Variants in ZDHHC14 observed in about 807,000 individuals in gnomAD.
ZDHHC14 encodes palmitoyltransferase ZDHHC14.
A neutral mutation model predicts 47.7 loss-of-function variants in ZDHHC14; 16 were observed. That is an observed-to-expected ratio of 0.34 (90% CI 0.23 to 0.51). ZDHHC14 has a LOEUF of 0.51. ZDHHC14 is among the 20% of genes least tolerant of loss of function. ZDHHC14 has a pLI of 0.97. For missense variants in ZDHHC14, 515 were observed against 662.5 expected (o/e 0.78, Z 2.44); for synonymous variants, 293 against 278.9 (o/e 1.05, Z -0.50).
At chr6:157,597,207 G>A (rs1784167997) in intron 3 of ZDHHC14, among the ~76,000 whole-genome samples, 1 of 152,124 alleles carries the variant, frequency 6.6e-6, no homozygotes, top group Non-Finnish European at 1.5e-5. Context: ...CTTCTCTCTC[G>A]GATCCTCATA....
intron 3 of ZDHHC14, among the ~76,000 whole-genome samples, chr6:157,604,732 C>T (rs931614908): frequency 3.9e-5 from 6 of 152,092 alleles, no homozygotes; most frequent in East Asian, 1.9e-4. Context: ...TTAGTAGAGA[C>T]GGTGTTTCAC....
At chr6:157,595,706 C>T (rs532783385) in intron 3 of ZDHHC14, among the ~76,000 whole-genome samples, 14 of 152,258 alleles carry the variant, frequency 9.2e-5, no homozygotes, top group African/African-American at 2.4e-4. Flanking sequence ...TCCCCAGTGA[C>T]GGTGTACTTC....
chr6:157,460,916 C>A (rs886445616), intron 1 of ZDHHC14, among the ~76,000 whole-genome samples: 9 of 152,210 alleles, frequency 5.9e-5, no homozygotes, highest in Non-Finnish European at 1.0e-4. Context: ...GGGTTGGCAA[C>A]AGGAGACACC....
At chr6:157,655,926 G>A (rs892488687) in intron 8 of ZDHHC14, among the ~76,000 whole-genome samples, 1 of 152,178 alleles carries the variant, frequency 6.6e-6, no homozygotes, top group African/African-American at 2.4e-5. Flanking sequence ...ATTAACAAAG[G>A]CTGTTTAATG....
At chr6:157,634,379 C>T (rs1776862523) in intron 5 of ZDHHC14, among the ~76,000 whole-genome samples, 1 of 152,214 alleles carries the variant, frequency 6.6e-6, no homozygotes, top group Non-Finnish European at 1.5e-5. Context: ...TGAATGAAAT[C>T]TTCAATACCT....
Position 157,642,023 on chromosome 6 carries a change from AAGATAGATAGATAGAT to A in ZDHHC14, c.753-3683_753-3668del, listed in dbSNP as rs77223982. 3.4e-3 allele frequency among the ~76,000 whole-genome samples: 500 copies of A among 146,726 alleles called. 7 individuals carry two copies. Among genetic ancestry groups the A allele is most frequent in the African/African-American group, 0.012 (468 of 39,554 alleles). On this transcript the variant is annotated intron_variant, in intron 5 of 8. Transcript: ENST00000359775. ...CCAAAGAGCTTTTGTGTATATTTTG[AAGATAGATAGATAGAT>A]AGATAGATAGATAGATAGATAGATA...
chr6:157,583,483 A>G lies in ZDHHC14; in HGVS notation c.407-9505A>G, dbSNP rs190176633. On this transcript the variant is annotated intron_variant, in intron 2 of 8. Coordinates refer to ENST00000359775, the MANE Select transcript of ZDHHC14 (RefSeq NM_024630.3). ...GGTTTCGCATGGGGAGTATATTACCAAAGGTGTTTTTTTTTTTGTTGGTTC... is the reference window on the plus strand; with the variant it reads ...GGTTTCGCATGGGGAGTATATTACCGAAGGTGTTTTTTTTTTTGTTGGTTC... Among the ~76,000 whole-genome samples the G allele has an allele frequency of 2.4e-3, 363 of 151,692 alleles. 3 individuals carry two copies. Among genetic ancestry groups the G allele is most frequent in the Admixed American group, 4.9e-3 (74 of 15,178 alleles).
intron 1 of ZDHHC14, among the ~76,000 whole-genome samples, chr6:157,432,767 G>T (rs948347909): frequency 2.0e-5 from 3 of 152,146 alleles, no homozygotes; most frequent in African/African-American, 7.2e-5. Context: ...CCACTGACAC[G>T]AGCCACCTGT....
chr6:157,436,556 A>C (rs1778442404), intron 1 of ZDHHC14, among the ~76,000 whole-genome samples: 1 of 112,224 alleles, frequency 8.9e-6, no homozygotes, highest in Non-Finnish European at 1.7e-5. Context: ...CCAGGTGAGA[A>C]GTCATGAGGA....
chr6:157,555,948 G>A (rs2114831227), intron 2 of ZDHHC14, among the ~76,000 whole-genome samples: 1 of 152,282 alleles, frequency 6.6e-6, no homozygotes, highest in South Asian at 2.1e-4. Context: ...GGATCAGGAG[G>A]GATTAATCAC....
At chr6:157,421,303 C>T (rs889299544) in intron 1 of ZDHHC14, among the ~76,000 whole-genome samples, 3 of 151,360 alleles carry the variant, frequency 2.0e-5, no homozygotes, top group Non-Finnish European at 2.9e-5. Context: ...ATCGAGACCA[C>T]GGTGAAACCA....
At chr6:157,592,852 G>A in intron 2 of ZDHHC14, 136 bp from the exon 3 acceptor site, 2 of 1,480,712 alleles carry the variant, frequency 1.4e-6, no homozygotes, top group East Asian at 2.4e-5. Flanking sequence ...GCCCCAGCCT[G>A]GGTAAACCGT....
At chr6:157,600,061 T>C (rs937839216) in intron 3 of ZDHHC14, among the ~76,000 whole-genome samples, 2 of 152,204 alleles carry the variant, frequency 1.3e-5, no homozygotes, top group African/African-American at 4.8e-5. Context: ...GTGAGAAAGG[T>C]GCTGGGCCCA....
intron 1 of ZDHHC14, among the ~76,000 whole-genome samples, chr6:157,382,824 T>C (rs140123836): frequency 4.6e-5 from 7 of 152,346 alleles, no homozygotes; most frequent in East Asian, 1.9e-4. Flanking sequence ...GGATAGATCA[T>C]TGCATTCTCC....
intron 1 of ZDHHC14, among the ~76,000 whole-genome samples, chr6:157,485,271 A>T (rs1779750150): frequency 6.6e-6 from 1 of 152,102 alleles, no homozygotes; most frequent in Non-Finnish European, 1.5e-5. Context: ...TGCAGCAGGG[A>T]CTGAGCTTCG....
intron 5 of ZDHHC14, among the ~76,000 whole-genome samples, chr6:157,636,246 A>G (rs1776969128): frequency 6.6e-6 from 1 of 151,830 alleles, no homozygotes; most frequent in African/African-American, 2.4e-5. Flanking sequence ...ATGTGTGTGT[A>G]TGTATGTATT....
intron 1 of ZDHHC14, among the ~76,000 whole-genome samples, chr6:157,527,935 T>G (rs1781217577): frequency 6.6e-6 from 1 of 152,198 alleles, no homozygotes; most frequent in Non-Finnish European, 1.5e-5. Context: ...CTCTGCAGTT[T>G]CCCTGTTGAT....
intron 2 of ZDHHC14, among the ~76,000 whole-genome samples, chr6:157,571,518 A>G (rs1485719273): frequency 2.0e-5 from 3 of 152,240 alleles, no homozygotes; most frequent in Non-Finnish European, 4.4e-5. Flanking sequence ...CAGACCTTCC[A>G]TAATTAACTA....
At chr6:157,385,518 C>T (rs762962941) in intron 1 of ZDHHC14, among the ~76,000 whole-genome samples, 3 of 152,238 alleles carry the variant, frequency 2.0e-5, no homozygotes, top group Non-Finnish European at 4.4e-5. Flanking sequence ...TTAGCCCTCC[C>T]CTGTCTGCAA....
Sources: allele counts gnomAD v4.1 joint callset (sites outside exome capture counted in the v4.1 genomes callset), GRCh38; gene constraint gnomAD v4.1.1; transcripts MANE v1.5; gene names NCBI Gene and HGNC (gene_info 2026-07-23, HGNC 2026-07-21).